ZBTB20: variants seen among roughly 807,000 people sequenced by gnomAD.
The protein encoded by ZBTB20 is zinc finger and BTB domain-containing protein 20.
In ZBTB20, 9 loss-of-function variants were observed where a neutral mutation model predicts 56.9. That is an observed-to-expected ratio of 0.16 (90% CI 0.10 to 0.28). The LOEUF is 0.28. Among genes scored for constraint, ZBTB20 ranks in the 10% least tolerant of loss-of-function variants. The pLI is 1.00. For synonymous variants in ZBTB20, 417 were observed against 420.7 expected, an observed-to-expected ratio of 0.99 and a Z score of 0.11; for missense variants, 655 against 1,003.0, an observed-to-expected ratio of 0.65 and a Z score of 4.69.
intron 3 of ZBTB20, among the ~76,000 whole-genome samples, chr3:114,948,103 A>C (rs1043598761): frequency 4.1e-5 from 6 of 146,122 alleles, no homozygotes; most frequent in Admixed American, 6.6e-5. Context: ...AAAGGATAAT[A>C]TAACATCAAG....
At chr3:114,465,849 C>G (rs1431146264) in intron 7 of ZBTB20, among the ~76,000 whole-genome samples, 1 of 152,132 alleles carries the variant, frequency 6.6e-6, no homozygotes, top group Non-Finnish European at 1.5e-5. Context: ...TTCCCTGTGG[C>G]AGAGCTGAGC....
At chr3:115,042,059 G>T (rs1053439168) in intron 2 of ZBTB20, among the ~76,000 whole-genome samples, 5 of 151,942 alleles carry the variant, frequency 3.3e-5, no homozygotes, top group African/African-American at 1.2e-4. Flanking sequence ...CGTTTTTGTT[G>T]TTGTTGATAC....
intron 1 of ZBTB20, among the ~76,000 whole-genome samples, chr3:115,121,321 A>G (rs757957564): frequency 2.0e-5 from 3 of 152,060 alleles, no homozygotes; most frequent in African/African-American, 4.8e-5. Flanking sequence ...TTCAATTTCA[A>G]TAAGTCACAT....
rs567279902 is a variant in ZBTB20 at position 114,505,089 on chromosome 3, G to A, written c.-294-4698C>T. 5.9e-5 allele frequency among the ~76,000 whole-genome samples: 9 copies of A among 152,236 alleles called. No individual in the cohort carries two copies. In the South Asian group the frequency reaches 1.9e-3, roughly 32 times the overall value. On this transcript the variant is annotated intron_variant, in intron 6 of 11. Transcript: ENST00000675478. The stretch of plus-strand genomic sequence containing the variant: ...TTCTAAATATTTCACAGTGGTAAGC[G>A]AAAGCTATTATTATACCCATTTTAT...
At chr3:114,380,166 A>G (rs557938682) in intron 10 of ZBTB20, 51 bp downstream of exon 10, 2 of 1,444,284 alleles carry the variant, frequency 1.4e-6, no homozygotes, top group Non-Finnish European at 1.8e-6. Context: ...CCAGGGTAGA[A>G]GCACTACTCC....
At chr3:114,889,736 G>A (rs1460549397) in intron 4 of ZBTB20, among the ~76,000 whole-genome samples, 1 of 152,016 alleles carries the variant, frequency 6.6e-6, no homozygotes, top group Non-Finnish European at 1.5e-5. Context: ...GTAAATATTA[G>A]CCATGACTAG....
intron 3 of ZBTB20, among the ~76,000 whole-genome samples, chr3:114,959,594 T>G (rs530479653): frequency 6.0e-4 from 92 of 152,244 alleles, no homozygotes; most frequent in African/African-American, 1.8e-3. Context: ...GTTTTGTTTG[T>G]ATGCCAAAGA....
intron 6 of ZBTB20, among the ~76,000 whole-genome samples, chr3:114,545,882 A>T (rs1020606861): frequency 6.6e-6 from 1 of 152,140 alleles, no homozygotes; most frequent in African/African-American, 2.4e-5. Flanking sequence ...TTAACCCCGA[A>T]ACTATTTTCC....
chr3:114,603,193 A>G (rs1047091449), intron 6 of ZBTB20, among the ~76,000 whole-genome samples: 22 of 152,138 alleles, frequency 1.4e-4, no homozygotes, highest in Admixed American at 1.3e-3. Context: ...AAGGTGAATA[A>G]CTTAAAGGGG....
intron 5 of ZBTB20, among the ~76,000 whole-genome samples, chr3:114,704,389 T>C (rs935036011): frequency 1.1e-4 from 16 of 145,940 alleles, no homozygotes; most frequent in Non-Finnish European, 2.4e-4. Context: ...TATACACACA[T>C]ACTGTATATA....
chr3:115,062,863 A>G (rs1200840740), intron 2 of ZBTB20, among the ~76,000 whole-genome samples: 1 of 152,200 alleles, frequency 6.6e-6, no homozygotes, highest in Non-Finnish European at 1.5e-5. Flanking sequence ...AGGGAAAAAT[A>G]TATTAAGTAT....
At chr3:114,692,579 C>G (rs2062763198) in intron 6 of ZBTB20, among the ~76,000 whole-genome samples, 1 of 152,152 alleles carries the variant, frequency 6.6e-6, no homozygotes, top group Non-Finnish European at 1.5e-5. Context: ...TGGAGCCAGG[C>G]AGAACACAGT....
At chr3:114,858,771 T>C (rs1208167113) in intron 4 of ZBTB20, among the ~76,000 whole-genome samples, 3 of 152,194 alleles carry the variant, frequency 2.0e-5, no homozygotes, top group Non-Finnish European at 4.4e-5. Flanking sequence ...TTCTTTGTCA[T>C]GAATATTTTT....
At chr3:114,756,287 T>C (rs939310164) in intron 5 of ZBTB20, among the ~76,000 whole-genome samples, 1 of 152,168 alleles carries the variant, frequency 6.6e-6, no homozygotes, top group Non-Finnish European at 1.5e-5. Flanking sequence ...GGCTATAGAT[T>C]CACTTGACTG....
At chr3:114,430,143 G>A (rs1192752422) in intron 7 of ZBTB20, among the ~76,000 whole-genome samples, 1 of 152,140 alleles carries the variant, frequency 6.6e-6, no homozygotes, top group Non-Finnish European at 1.5e-5. Context: ...AAAATCACTA[G>A]TAGTAAAGAA....
At chr3:114,682,733 G>A (rs975093610) in intron 6 of ZBTB20, among the ~76,000 whole-genome samples, 3 of 152,144 alleles carry the variant, frequency 2.0e-5, no homozygotes, top group Non-Finnish European at 4.4e-5. Flanking sequence ...AATAATATAT[G>A]TGATAGACCG....
intron 3 of ZBTB20, among the ~76,000 whole-genome samples, chr3:114,937,084 G>A (rs1576370707): frequency 6.6e-6 from 1 of 152,196 alleles, no homozygotes; most frequent in African/African-American, 2.4e-5. Flanking sequence ...ACGTATGTGT[G>A]CATGTGTCTT....
intron 6 of ZBTB20, chr3:114,529,077 A>G (rs2047547106): frequency 6.6e-6 from 1 of 152,150 alleles, no homozygotes; most frequent in Non-Finnish European, 1.5e-5. Flanking sequence ...GCTAATTATT[A>G]CTAATTATTC....
At chr3:115,057,924 C>T (rs1186767515) in intron 2 of ZBTB20, among the ~76,000 whole-genome samples, 1 of 152,096 alleles carries the variant, frequency 6.6e-6, no homozygotes, top group Non-Finnish European at 1.5e-5. Context: ...CAGTTCAGCA[C>T]AGCTGGGGTG....
Sources: gnomAD v4.1 joint callset for allele counts (sites outside exome capture counted in the v4.1 genomes callset) on GRCh38, gnomAD v4.1.1 for gene constraint, MANE v1.5 for transcripts, NCBI Gene and HGNC (gene_info 2026-07-23, HGNC 2026-07-21) for gene names.